RNF216: variants seen among roughly 807,000 people sequenced by gnomAD.
The protein encoded by RNF216 is ring finger protein 216, also known as E3 ubiquitin-protein ligase RNF216.
Under a neutral mutation model 110.8 loss-of-function variants are expected in RNF216, and 72 were observed. The observed-to-expected ratio is 0.65, with a 90% CI of 0.54 to 0.79. The LOEUF (loss-of-function observed/expected upper bound fraction) is 0.79, where lower values mean the gene tolerates loss of function less well. Ranked by LOEUF, RNF216 falls within the 30% of genes least tolerant of loss-of-function variation. The probability of loss-of-function intolerance (pLI) is 0.00; values close to 1 mark genes in which losing one functional copy is unlikely to be tolerated. For synonymous variants in RNF216, 495 were observed against 407.5 expected (o/e 1.21, Z -2.59); for missense variants, 1,342 against 1,141.2 (o/e 1.18, Z -2.54).
rs1466093765 is a variant in RNF216, at chr7:5,623,104, C to G, written c.2528G>C (p.Arg843Thr). 5.0e-6 allele frequency: 8 copies of G among 1,608,794 alleles called. No individual in the cohort carries two copies. The South Asian group carries it at 5.5e-5, about 11-fold the overall frequency. The part of the protein sequence containing the change: ...EKVQRVEALP[R>T]PVPQNLPQPQ... ...CTGTGGCAGGTTCTGCGGAACGGGC[C>G]TCGGGAGGGCCTCCACCCTCTGCAC... is the stretch of plus-strand genomic sequence containing the variant. The change falls in exon 17 of 17, where the codon AGG becomes ACG. Residue 843 changes from arginine to threonine, a missense_variant. By Grantham distance (71) the Arg-to-Thr change is moderately conservative. Transcript: ENST00000389902.
At chr7:5,776,434 A>AC (rs1796778519) in intron 1 of RNF216, among the ~76,000 whole-genome samples, 1 of 149,944 alleles carries the variant, frequency 6.7e-6, no homozygotes, top group African/African-American at 2.5e-5. Context: ...AAAAAAAAAA[A>AC]GCACAAAAAA....
chr7:5,743,945 C>T lies in RNF216; in HGVS notation c.202-2130G>A, dbSNP rs570676484. Among the ~76,000 whole-genome samples the T allele has an allele frequency of 3.5e-4, 53 of 152,306 alleles. 1 individual carries two copies. The highest frequency in any genetic ancestry group is 1.2e-3 in the African/African-American group (49 of 41,554). The stretch of plus-strand genomic sequence containing the variant: ...ATTAAGATCCTCTATAGAGAAACAA[C>T]ATCATACAGAATCCCAAAATTTTCA... On this transcript the variant is annotated intron_variant, in intron 3 of 16. Transcript: ENST00000389902.
chr7:5,700,257 G>A (rs1403836661), intron 13 of RNF216, among the ~76,000 whole-genome samples: 1 of 152,110 alleles, frequency 6.6e-6, no homozygotes, highest in South Asian at 2.1e-4. Context: ...AGCCGCACAC[G>A]TGCACTCACA....
intron 5 of RNF216, among the ~76,000 whole-genome samples, chr7:5,738,390 C>T (rs6976510): frequency 0.015 from 2,285 of 151,922 alleles, 48 homozygotes; most frequent in African/African-American, 0.051. Flanking sequence ...ATGTCTGGCC[C>T]GTATTTATCC....
intron 15 of RNF216, among the ~76,000 whole-genome samples, chr7:5,627,548 T>A (rs1171941496): frequency 6.6e-6 from 1 of 151,870 alleles, no homozygotes; most frequent in Admixed American, 6.6e-5. Context: ...GAGATAGAGA[T>A]CATCCTGGCT....
chr7:5,746,727 TC>T (rs1298294629), intron 3 of RNF216, among the ~76,000 whole-genome samples: 1 of 152,188 alleles, frequency 6.6e-6, no homozygotes, highest in Non-Finnish European at 1.5e-5. Flanking sequence ...TCTTGCCTTT[TC>T]ATGTATAAAA....
At position 5,696,487 on chromosome 7, in the gene RNF216, C is replaced by A. The variant is rs1218954062; in HGVS notation, c.2061+15274G>T. On this transcript the variant is annotated intron_variant, in intron 13 of 16. Coordinates refer to ENST00000389902, the MANE Select transcript of RNF216 (RefSeq NM_207111.4). The surrounding 1 kb of genome is among the most constrained non-coding windows in gnomAD (Gnocchi z 5.4). ...CGGTGGGAATGCAGCAAAGCAGCAA[C>A]TGCCCAATGATCTACTCCAGGGCAC... is the stretch of plus-strand genomic sequence containing the variant. 6.6e-6 allele frequency among the ~76,000 whole-genome samples: 1 copy of A among 152,188 alleles called. No individual in the cohort carries two copies. The highest frequency in any genetic ancestry group is 1.5e-5 in the Non-Finnish European group (1 of 68,038).
intron 2 of RNF216, among the ~76,000 whole-genome samples, chr7:5,754,668 T>C (rs6944143): frequency 0.84 from 127,173 of 152,084 alleles, 55,309 homozygotes; most frequent in Non-Finnish European, 0.95. Context: ...CCGCAGGAAA[T>C]TGTAGATTCC....
intron 13 of RNF216, among the ~76,000 whole-genome samples, chr7:5,704,611 C>G (rs569314591): frequency 6.6e-6 from 1 of 152,264 alleles, no homozygotes; most frequent in East Asian, 1.9e-4. Context: ...TTTCAAACAC[C>G]CAAGAGGAAG....
chr7:5,746,360 G>T (rs1176869041), intron 3 of RNF216, among the ~76,000 whole-genome samples: 1 of 152,190 alleles, frequency 6.6e-6, no homozygotes, highest in Non-Finnish European at 1.5e-5. Flanking sequence ...CTTTGCAGAG[G>T]TCTTTACGGC....
intron 1 of RNF216, among the ~76,000 whole-genome samples, chr7:5,776,971 A>G (rs981054762): frequency 6.6e-6 from 1 of 151,110 alleles, no homozygotes; most frequent in African/African-American, 2.4e-5. Flanking sequence ...AAAGAAAAAG[A>G]AAGTGAAAGA....
intron 3 of RNF216, among the ~76,000 whole-genome samples, chr7:5,747,729 A>C (rs1306733856): frequency 1.9e-5 from 2 of 105,932 alleles, no homozygotes; most frequent in Non-Finnish European, 3.5e-5. Flanking sequence ...TGGCCTGGGC[A>C]ACAGGAGACT....
chr7:5,650,342 G>C (rs774080786), intron 14 of RNF216, among the ~76,000 whole-genome samples: 7 of 152,316 alleles, frequency 4.6e-5, no homozygotes, highest in Non-Finnish European at 8.8e-5. Context: ...GGCAGACCAA[G>C]ACGCTGAGCG....
At chr7:5,698,804 C>A (rs888672359) in intron 13 of RNF216, among the ~76,000 whole-genome samples, 3 of 152,198 alleles carry the variant, frequency 2.0e-5, no homozygotes, top group African/African-American at 7.2e-5. Context: ...CACAGGAAAC[C>A]TTCCCTCCTC....
In RNF216 at chr7:5,729,608, G is replaced by A. The variant is rs757331434; in HGVS notation, c.1225-12C>T. On this transcript the variant is annotated splice_polypyrimidine_tract_variant and intron_variant, in intron 6 of 16. Transcript: ENST00000389902. ...TCTATTTTAGGCAACTGAAATGAGA[G>A]AGAAGCATAAAATCAGAGGCCAGGC... 5 of 1,611,148 alleles carry A rather than the reference G, an allele frequency of 3.1e-6. No individual in the cohort carries two copies. Among genetic ancestry groups the A allele is most frequent in the African/African-American group, 2.7e-5 (2 of 74,822 alleles).
intron 2 of RNF216, among the ~76,000 whole-genome samples, chr7:5,756,365 C>A (rs943611449): frequency 1.3e-5 from 2 of 152,192 alleles, no homozygotes; most frequent in African/African-American, 4.8e-5. Context: ...TTTCATGCTA[C>A]AATGGTATAG....
chr7:5,633,512 C>G (rs1162398742), intron 15 of RNF216, among the ~76,000 whole-genome samples: 1 of 152,024 alleles, frequency 6.6e-6, no homozygotes, highest in Non-Finnish European at 1.5e-5. Context: ...TAGGTTCAGG[C>G]TGCAGTGAGC....
At chr7:5,760,746 T>C (rs756738813) in intron 2 of RNF216, among the ~76,000 whole-genome samples, 1 of 152,204 alleles carries the variant, frequency 6.6e-6, no homozygotes, top group Non-Finnish European at 1.5e-5. Flanking sequence ...CTCTTAAGAC[T>C]CAATGACTGC....
intron 2 of RNF216, chr7:5,760,431 A>G: frequency 2.6e-6 from 1 of 382,782 alleles, no homozygotes; most frequent in Non-Finnish European, 5.3e-6. Flanking sequence ...CCGGAGAATC[A>G]TTTGAACCCA....
Sources: gnomAD v4.1 joint callset for allele counts (sites outside exome capture counted in the v4.1 genomes callset) on GRCh38, gnomAD v4.1.1 for gene constraint, Gnocchi (gnomAD v3.1) non-coding constraint, MANE v1.5 for transcripts, NCBI Gene and HGNC (gene_info 2026-07-23, HGNC 2026-07-21) for gene names.